The following SPG7 variants were observed in gnomAD, a reference collection of about 807,000 sequenced individuals.
The protein encoded by SPG7 is SPG7 matrix AAA peptidase subunit, paraplegin.
SPG7 carries 103 observed loss-of-function variants against 81.9 expected under a neutral mutation model. The observed-to-expected ratio is 1.26, with a 90% CI of 1.07 to 1.48. The LOEUF (loss-of-function observed/expected upper bound fraction) is 1.48, where lower values mean the gene tolerates loss of function less well. SPG7 is among the 40% of genes most tolerant of loss of function. The pLI, the probability that SPG7 is intolerant of heterozygous loss-of-function variation, is 0.00. For missense variants in SPG7, 1,241 were observed against 1,087.3 expected (o/e 1.14, Z -1.99); for synonymous variants, 534 against 444.2 (o/e 1.20, Z -2.54).
Position 89,523,760 on chromosome 16 carries a change from T to TATCTC in SPG7, c.377-245_377-244insTCTCA, listed in dbSNP as rs59761318. On this transcript the variant is annotated intron_variant, in intron 3 of 16. Transcript: ENST00000645818. ...TTTCGATTTAGAAATGGTTTCCTCT[T>TATCTC]AGGTGGGAACCACTCCTGCTCCTCA... 0.47 allele frequency: 310,822 copies of TATCTC among 655,994 alleles called. 75,844 individuals carry two copies. Among genetic ancestry groups the TATCTC allele is most frequent in the East Asian group, 0.69 (22,578 of 32,842 alleles). 40.6% of individuals were successfully genotyped at this position (655,994 alleles called of 1,614,324 possible). A position where few individuals can be genotyped will look rare whatever the true frequency, so the allele number is the denominator to read the frequency against.
chr16:89,511,339 A>G (rs1411018350), intron 2 of SPG7, among the ~76,000 whole-genome samples: 1 of 152,208 alleles, frequency 6.6e-6, no homozygotes, highest in East Asian at 1.9e-4. Context: ...AAACCTTGTG[A>G]CATTCTTTGG....
At chr16:89,527,947 A>T (rs1022323816) in intron 5 of SPG7, among the ~76,000 whole-genome samples, 1 of 151,512 alleles carries the variant, frequency 6.6e-6, no homozygotes, top group African/African-American at 2.4e-5. Context: ...AAAAAAAAAG[A>T]TGCACCTTTA....
chr16:89,523,311 A>C (rs139996423), intron 3 of SPG7: 4 of 238,604 alleles, frequency 1.7e-5, no homozygotes, highest in East Asian at 2.2e-4. Context: ...CTTTCTGTTA[A>C]ATGTTAGTCA....
chr16:89,544,744 A>C lies in SPG7; in HGVS notation c.1421A>C (p.His474Pro), dbSNP rs754034178. ...ATGAGGCCAGGCCGACTGGACCGGC[A>C]CGTCTTCATTGATCTCCCCACGCTG... ...ALMRPGRLDR[H>P]VFIDLPTLQE... is the part of the protein sequence containing the mutation. Residue 474 changes from histidine (H) to proline (P), a missense_variant, in exon 10 of 17, where the codon CAC becomes CCC. By Grantham distance (77) the His-to-Pro change is moderately conservative (BLOSUM62 -2). Coordinates refer to ENST00000645818, the MANE Select transcript of SPG7 (RefSeq NM_003119.4). 2 of 1,614,068 alleles carry C rather than the reference A, an allele frequency of 1.2e-6. No homozygotes were observed. Among genetic ancestry groups the C allele is most frequent in the Non-Finnish European group, 1.7e-6 (2 of 1,179,990 alleles).
chr16:89,515,914 G>T (rs2058090157), intron 3 of SPG7, among the ~76,000 whole-genome samples: 1 of 151,618 alleles, frequency 6.6e-6, no homozygotes, highest in Non-Finnish European at 1.5e-5. Context: ...TCACCATGTT[G>T]GCAAGGATGG....
At chr16:89,553,531 C>T (rs1597664680) in intron 14 of SPG7, 1 of 554,840 alleles carries the variant, frequency 1.8e-6, no homozygotes, top group East Asian at 3.1e-5. Context: ...TGGGCTTGTG[C>T]TTGAGAACTG....
rs1224429735 is a variant in SPG7, at chr16:89,531,678, A to G, written c.988-226A>G. The G allele has an allele frequency of 1.4e-5, 8 of 568,172 alleles. No homozygotes were observed. The East Asian group carries it at 1.5e-4, about 11-fold the overall frequency. 35.2% of individuals were successfully genotyped at this position (568,172 alleles called of 1,614,324 possible). On this transcript the variant is annotated intron_variant, in intron 7 of 16. Coordinates refer to ENST00000645818, the MANE Select transcript of SPG7 (RefSeq NM_003119.4). ...TGTGAGCCACCGCACCTGGCCTGCA[A>G]GAAGTTTTTAAAAGTAGCTGGGCGT...
intron 9 of SPG7, chr16:89,541,153 AAAT>A (rs2058491320): frequency 1.0e-6 from 1 of 963,898 alleles, no homozygotes; most frequent in Non-Finnish European, 1.2e-6. Flanking sequence ...TTCTACGCAG[AAAT>A]AGAAGAGCTG....
chr16:89,546,571 ACCCCC>A, intron 10 of SPG7, 82 bp from the exon 11 acceptor site: 1 of 774,016 alleles, frequency 1.3e-6, no homozygotes, highest in Non-Finnish European at 2.2e-6. Context: ...CTACTTGGGG[ACCCCC>A]CCCCCCCACA....
At chr16:89,529,448 C>G in intron 5 of SPG7, 29 bp from the exon 6 acceptor site, 1 of 1,481,528 alleles carries the variant, frequency 6.7e-7, no homozygotes, top group South Asian at 1.2e-5. Flanking sequence ...ACCGTCTGAG[C>G]CTGTGCCTGC....
intron 2 of SPG7, among the ~76,000 whole-genome samples, chr16:89,511,817 C>G (rs1241422502): frequency 6.6e-6 from 1 of 152,138 alleles, no homozygotes; most frequent in African/African-American, 2.4e-5. Flanking sequence ...CCTCCTGGGC[C>G]CAGGTTCTCC....
intron 11 of SPG7, 191 bp from the exon 12 acceptor site, chr16:89,547,812 C>T: frequency 1.7e-6 from 1 of 597,824 alleles, no homozygotes; most frequent in East Asian, 3.0e-5. Flanking sequence ...AGGGTTTCAC[C>T]CTGTTGGCCA....
At chr16:89,524,488 G>C (rs918133486) in intron 4 of SPG7, among the ~76,000 whole-genome samples, 1 of 152,192 alleles carries the variant, frequency 6.6e-6, no homozygotes, top group Non-Finnish European at 1.5e-5. Context: ...CTGTTGGCCA[G>C]GCTGAAGCGC....
intron 12 of SPG7, chr16:89,549,357 T>G (rs2019604): frequency 0.13 from 52,760 of 390,954 alleles, 4,049 homozygotes; most frequent in Non-Finnish European, 0.16. Context: ...CAGGGGAGAT[T>G]TAATGCAAAC....
chr16:89,548,584 C>T (rs2058595721), intron 12 of SPG7: 2 of 312,074 alleles, frequency 6.4e-6, no homozygotes, highest in Non-Finnish European at 1.3e-5. Flanking sequence ...TCTGCAGCAC[C>T]ACCTCTGGTG....
At chr16:89,556,743 C>T (rs552422322) in intron 16 of SPG7, 144 bp from the exon 17 acceptor site, 164 of 737,176 alleles carry the variant, frequency 2.2e-4, no homozygotes, top group African/African-American at 1.0e-3. Context: ...GAGCTGCCTC[C>T]GTGCCTCCGC....
At position 89,532,581 on chromosome 16, in the gene SPG7, C is replaced by A; in HGVS notation, c.1269C>A (p.Gly423=). The change falls in exon 9 of 17, where the codon GGC becomes GGA. Residue 423 remains glycine (G), a synonymous_variant. Transcript: ENST00000645818. ...AGAAGCGCTCCACCACCATGTCCGGCTTCTCCAACACGGAGGAGGAGCAGA... is the reference window on the plus strand; with the variant it reads ...AGAAGCGCTCCACCACCATGTCCGGATTCTCCAACACGGAGGAGGAGCAGA... ...VGKKRSTTMS[G]FSNTEEEQTL... The A allele has an allele frequency of 6.2e-7, 1 of 1,613,832 alleles. No individual in the cohort carries two copies. Among genetic ancestry groups the A allele is most frequent in the Non-Finnish European group, 8.5e-7 (1 of 1,180,046 alleles).
At position 89,553,955 on chromosome 16, in the gene SPG7, G is replaced by T. The variant is rs2058662790; in HGVS notation, c.2098G>T (p.Asp700Tyr). 2 of 1,611,226 alleles carry T rather than the reference G, an allele frequency of 1.2e-6. No individual in the cohort carries two copies. Among genetic ancestry groups the T allele is most frequent in the Non-Finnish European group, 1.7e-6 (2 of 1,179,968 alleles). Residue 700 changes from aspartate to tyrosine, a missense_variant, in exon 15 of 17, where the codon GAC becomes TAC. Asp to Tyr is a radical substitution (Grantham distance 160). Coordinates refer to ENST00000645818, the MANE Select transcript of SPG7 (RefSeq NM_003119.4). ...PFSQGLQQMMDHEARLLVAKA... is the reference protein window; with the variant it reads ...PFSQGLQQMMYHEARLLVAKA... ...CAGCCAAGGCCTGCAGCAGATGATG[G>T]ACCATGTGAGTCGGCTCTGGCCACA...
intron 4 of SPG7, among the ~76,000 whole-genome samples, chr16:89,525,759 C>T (rs1001904391): frequency 2.0e-5 from 3 of 152,090 alleles, no homozygotes; most frequent in Non-Finnish European, 2.9e-5. Flanking sequence ...AACATGAACC[C>T]TCTGTGGCCG....
Sources: gnomAD v4.1 joint callset for allele counts (sites outside exome capture counted in the v4.1 genomes callset) on GRCh38, gnomAD v4.1.1 for gene constraint, MANE v1.5 for transcripts, NCBI Gene and HGNC (gene_info 2026-07-23, HGNC 2026-07-21) for gene names.